The following ANKLE2 variants were observed in gnomAD, a reference collection of about 807,000 sequenced individuals.
The protein encoded by ANKLE2 is ankyrin repeat and LEM domain-containing protein 2.
Under a neutral mutation model 84.2 loss-of-function variants are expected in ANKLE2, and 55 were observed. The observed-to-expected ratio is 0.65, with a 90% CI of 0.53 to 0.82. The LOEUF (loss-of-function observed/expected upper bound fraction) is 0.82. Among genes scored for constraint, ANKLE2 ranks in the 40% least tolerant of loss-of-function variants. ANKLE2 has a pLI of 0.00. For missense variants in ANKLE2, 1,238 were observed against 1,201.9 expected (o/e 1.03, Z -0.44); for synonymous variants, 551 against 486.1 (o/e 1.13, Z -1.76).
At position 132,743,181 on chromosome 12, in the gene ANKLE2, C is replaced by T; in HGVS notation, c.1326G>A (p.Arg442=). 1 of 1,610,192 alleles carries T rather than the reference C, an allele frequency of 6.2e-7. No individual in the cohort carries two copies. The highest frequency in any genetic ancestry group is 1.3e-5 in the African/African-American group (1 of 74,924). The change falls in exon 6 of 13, where the codon AGG becomes AGA. Residue 442 remains arginine, a synonymous_variant. Transcript: ENST00000357997. This position sits in a 1 kb window ranked among gnomAD's most constrained non-coding sequence, Gnocchi z 4.1. ...SSHHLIVKNS[R]NKYDKTPEDV... ...CTTCAGGTGTTTTATCATATTTATT[C>T]CTTGAGTTTTTTACAATCAAATGGT...
At chr12:132,758,790 G>C (rs1280621123) in intron 1 of ANKLE2, 2 of 152,266 alleles carry the variant, frequency 1.3e-5, no homozygotes, top group Admixed American at 6.5e-5. Flanking sequence ...CAAAGTGCTG[G>C]GATTACAGGC....
intron 7 of ANKLE2, 64 bp downstream of exon 7, chr12:132,741,352 TCCC>T: frequency 3.2e-5 from 49 of 1,508,008 alleles, no homozygotes; most frequent in Non-Finnish European, 4.5e-5. Context: ...CTCTGCTGTG[TCCC>T]CCAACGCTCC....
rs1238124575 is a variant in ANKLE2, at chr12:132,748,020, C to T, written c.1042G>A (p.Glu348Lys). The T allele has an allele frequency of 6.3e-7, 1 of 1,596,500 alleles. No individual in the cohort carries two copies. The highest frequency in any genetic ancestry group is 1.8e-5 in the Admixed American group (1 of 54,804). The part of the protein sequence containing the change: ...GSGDNPTIVQ[E>K]GCRYNVMHVA... ...TGCATCACGTTGTACCTGCACCCTTCCTGAAAGAGAACCGCATGCTCTGAG... is the reference window on the plus strand; with the variant it reads ...TGCATCACGTTGTACCTGCACCCTTTCTGAAAGAGAACCGCATGCTCTGAG... Residue 348 changes from glutamate to lysine, a missense_variant and splice_region_variant, in exon 5 of 13, where the codon GAA (glutamate) becomes AAA (lysine). Glu to Lys is a moderately conservative substitution (Grantham distance 56). Coordinates refer to ENST00000357997, the MANE Select transcript of ANKLE2 (RefSeq NM_015114.3).
At chr12:132,732,643 G>T (rs111289911) in intron 10 of ANKLE2, among the ~76,000 whole-genome samples, 21 of 73,568 alleles carry the variant, frequency 2.9e-4, no homozygotes, top group Admixed American at 4.8e-4. Flanking sequence ...ACCGTGAAGC[G>T]CTCTGCGTGC....
chr12:132,759,184 C>T (rs867302219), intron 1 of ANKLE2: 9 of 60,690 alleles, frequency 1.5e-4, no homozygotes, highest in South Asian at 6.7e-4. Context: ...CCCCGGGGCA[C>T]CCACGTGGCA....
intron 1 of ANKLE2, chr12:132,757,968 A>T (rs1004237309): frequency 6.7e-6 from 1 of 150,212 alleles, no homozygotes; most frequent in East Asian, 2.0e-4. Context: ...TGGGCAACAG[A>T]GCAAGACCCC....
chr12:132,727,467 T>C lies in ANKLE2; in HGVS notation c.2616-24A>G, dbSNP rs1241148129. ...AACTGCGGAAAGCAAGAAAGAACTG[T>C]TAGCAGACGGGCACAGGCCCGGAGA... On this transcript the variant is annotated intron_variant, in intron 12 of 12. Coordinates refer to ENST00000357997, the MANE Select transcript of ANKLE2 (RefSeq NM_015114.3). 3 of 1,550,248 alleles carry C rather than the reference T, an allele frequency of 1.9e-6. No individual in the cohort carries two copies. The African/African-American group carries it at 4.1e-5, about 21-fold the overall frequency.
intron 10 of ANKLE2, among the ~76,000 whole-genome samples, chr12:132,733,733 C>T (rs552370433): frequency 2.2e-4 from 34 of 152,246 alleles, no homozygotes; most frequent in African/African-American, 5.1e-4. Flanking sequence ...TGATACGCAC[C>T]GTGCAAGGCG....
chr12:132,734,966 T>C, intron 9 of ANKLE2: 1 of 283,300 alleles, frequency 3.5e-6, no homozygotes, highest in South Asian at 4.6e-5. Context: ...CTGGAGGTCC[T>C]TTCTGGGTTC....
rs2044170446 is a variant in ANKLE2, at chr12:132,743,395, A to T, written c.1231-119T>A. 2.3e-6 allele frequency: 3 copies of T among 1,326,718 alleles called. No homozygotes were observed. The highest frequency in any genetic ancestry group is 2.7e-5 in the East Asian group (1 of 36,676). 82.2% of individuals were successfully genotyped at this position (1,326,718 alleles called of 1,614,324 possible). ...TTTATTTATTTTGAGACGGAGTCTC[A>T]CTGGCGTGATCTTGGCTCACTGCAA... On this transcript the variant is annotated intron_variant, in intron 5 of 12. Transcript: ENST00000357997. This position sits in a 1 kb window ranked among gnomAD's most constrained non-coding sequence, Gnocchi z 4.1.
At chr12:132,741,323 G>A (rs1400158208) in intron 7 of ANKLE2, 96 bp downstream of exon 7, 1 of 1,243,914 alleles carries the variant, frequency 8.0e-7, no homozygotes, top group East Asian at 2.3e-5. Flanking sequence ...ACACGCCCGG[G>A]GAGCTCAGGA....
At chr12:132,738,832 T>C (rs917968422) in intron 7 of ANKLE2, 40 of 152,026 alleles carry the variant, frequency 2.6e-4, no homozygotes, top group African/African-American at 8.9e-4. Context: ...CTGCTTATCA[T>C]AGTTTTTATG....
At chr12:132,727,691 T>TGC (rs2043737087) in intron 12 of ANKLE2, among the ~76,000 whole-genome samples, 15 of 53,986 alleles carry the variant, frequency 2.8e-4, no homozygotes, top group South Asian at 1.1e-3. Context: ...GGCACATGCG[T>TGC]CTGGGTGGAG....
intron 11 of ANKLE2, among the ~76,000 whole-genome samples, chr12:132,728,992 C>A (rs2043766411): frequency 6.6e-6 from 1 of 151,948 alleles, no homozygotes; most frequent in Non-Finnish European, 1.5e-5. Flanking sequence ...AGAGGAAGAC[C>A]CAGAAAGAGC....
rs148051153 is a variant in ANKLE2, at chr12:132,737,145, G to A, written c.1421-80C>T. ...CCTGGGTGAGCAGGACGGGGATCAC[G>A]CGAGCCCTTGCCAAGGCCTCTGCAA... On this transcript the variant is annotated intron_variant, in intron 7 of 12. Transcript: ENST00000357997. 1.8e-5 allele frequency: 26 copies of A among 1,458,310 alleles called. No individual in the cohort carries two copies. The East Asian group carries it at 2.1e-4, about 12-fold the overall frequency. 90.3% of individuals were successfully genotyped at this position (1,458,310 alleles called of 1,614,324 possible). A position where few individuals can be genotyped will look rare whatever the true frequency, so the allele number is the denominator to read the frequency against.
rs1437256074 is a variant in ANKLE2 at position 132,730,277 on chromosome 12, GGAC to G, written c.1892-10_1892-8del. 2 of 1,547,190 alleles carry G rather than the reference GGAC, an allele frequency of 1.3e-6. No individual in the cohort carries two copies. The highest frequency in any genetic ancestry group is 1.4e-5 in the African/African-American group (1 of 73,174). On this transcript the variant is annotated splice_polypyrimidine_tract_variant and splice_region_variant and intron_variant, in intron 10 of 12. Coordinates refer to ENST00000357997, the MANE Select transcript of ANKLE2 (RefSeq NM_015114.3). ...ACGGAAATGGAATTGCTGCCTGTGA[GGAC>G]AACAAGGAGCACTTCAGTGATGGGA...
At position 132,750,731 on chromosome 12, in the gene ANKLE2, A is replaced by G. The variant is rs1331127480; in HGVS notation, c.759T>C (p.Ile253=). 1 of 1,614,110 alleles carries G rather than the reference A, an allele frequency of 6.2e-7. No individual in the cohort carries two copies. The highest frequency in any genetic ancestry group is 1.3e-5 in the African/African-American group (1 of 74,932). Residue 253 remains isoleucine, a synonymous_variant, in exon 3 of 13, where the codon ATT becomes ATC. Transcript: ENST00000357997. ...REDAEKFARG[I]CDYFPSPSKT... is the part of the protein sequence containing the mutation. Reference sequence around the variant, plus strand: ...TGCTTGGAGAAGGGAAATAATCACAAATTCCTCTAGCAAATTTCTCAGCGT... The same window carrying G: ...TGCTTGGAGAAGGGAAATAATCACAGATTCCTCTAGCAAATTTCTCAGCGT...
intron 7 of ANKLE2, among the ~76,000 whole-genome samples, chr12:132,739,206 A>T (rs555040535): frequency 3.9e-5 from 6 of 152,316 alleles, no homozygotes; most frequent in Admixed American, 1.3e-4. Flanking sequence ...CCCCGGTGAC[A>T]TGCAGGTTAC....
Position 132,754,865 on chromosome 12 carries a change from A to T in ANKLE2, c.450T>A (p.Gly150=). 3 of 1,613,932 alleles carry T rather than the reference A, an allele frequency of 1.9e-6. No homozygotes were observed. The highest frequency in any genetic ancestry group is 2.5e-6 in the Non-Finnish European group (3 of 1,179,982). ...AACCAAAATCTCTGTCTTCAGAAAA[A>T]CCAGCCTGATCAGTTGGGTTCCCTT... ...PAEGNPTDQA[G]FSEDRDFGYS... Residue 150 remains glycine, a synonymous_variant, in exon 2 of 13, where the codon GGT becomes GGA. Transcript: ENST00000357997.
Sources: allele counts gnomAD v4.1 joint callset (sites outside exome capture counted in the v4.1 genomes callset), GRCh38; gene constraint gnomAD v4.1.1; non-coding constraint Gnocchi (gnomAD v3.1); transcripts MANE v1.5; gene names NCBI Gene and HGNC (gene_info 2026-07-23, HGNC 2026-07-21).